SHISA5: variants seen among roughly 807,000 people sequenced by gnomAD.
SHISA5 encodes shisa family member 5, also known as protein shisa-5.
Under a neutral mutation model 27.5 loss-of-function variants are expected in SHISA5, and 21 were observed. That is an observed-to-expected ratio of 0.76 (90% CI 0.54 to 1.10). SHISA5 has a LOEUF of 1.10. Among genes scored for constraint, SHISA5 ranks in the 50% least tolerant of loss-of-function variants. The pLI, the probability that SHISA5 is intolerant of heterozygous loss-of-function variation, is 0.00. For missense variants in SHISA5, 314 were observed against 336.3 expected, an observed-to-expected ratio of 0.93 and a Z score of 0.52; for synonymous variants, 137 against 142.2, an observed-to-expected ratio of 0.96 and a Z score of 0.26.
Position 48,477,163 on chromosome 3 carries a change from T to G in SHISA5, c.314+2014A>C, listed in dbSNP as rs74497330. The stretch of plus-strand genomic sequence containing the variant: ...CACATGGATTCTCCAACTCCTTTTT[T>G]TTGTTGTTGCAACCTCTGCCTCCTG... On this transcript the variant is annotated intron_variant, in intron 3 of 5. Coordinates refer to ENST00000296444, the MANE Select transcript of SHISA5 (RefSeq NM_016479.6). The G allele has an allele frequency of 8.3e-5, 35 of 423,616 alleles. No individual in the cohort carries two copies. The East Asian group carries it at 2.5e-3, about 30-fold the overall frequency. 26.2% of individuals were successfully genotyped at this position (423,616 alleles called of 1,614,324 possible).
chr3:48,497,454 G>T (rs535855509), intron 2 of SHISA5, among the ~76,000 whole-genome samples: 275 of 150,788 alleles, frequency 1.8e-3, no homozygotes, highest in Non-Finnish European at 2.1e-3. Flanking sequence ...GTAGAGATGG[G>T]GTTTCCCCAT....
chr3:48,470,469 G>T lies in SHISA5; in HGVS notation c.315-626C>A, dbSNP rs142849351. 3.9e-5 allele frequency among the ~76,000 whole-genome samples: 6 copies of T among 152,158 alleles called. No homozygotes were observed. Among genetic ancestry groups the T allele is most frequent in the South Asian group, 4.1e-4 (2 of 4,830 alleles). The stretch of plus-strand genomic sequence containing the variant: ...GCAAGCTTGCTGTATGCCAAGCACC[G>T]TGCCAGGGGTCACACACACCCCTGG... On this transcript the variant is annotated intron_variant, in intron 3 of 5. Transcript: ENST00000296444. The surrounding 1 kb of genome is among the most constrained non-coding windows in gnomAD (Gnocchi z 4.3).
chr3:48,497,429 A>T (rs1252451898), intron 2 of SHISA5, among the ~76,000 whole-genome samples: 1 of 150,668 alleles, frequency 6.6e-6, no homozygotes, highest in Non-Finnish European at 1.5e-5. Flanking sequence ...TGCCCAGCTA[A>T]TTTTTGTATT....
intron 2 of SHISA5, among the ~76,000 whole-genome samples, chr3:48,482,478 G>C (rs1249180672): frequency 6.6e-6 from 1 of 152,174 alleles, no homozygotes; most frequent in African/African-American, 2.4e-5. Context: ...CTGTGAAAAG[G>C]CATTTTGGAA....
chr3:48,468,164 T>C lies in SHISA5; in HGVS notation c.*943A>G, dbSNP rs1418665751. The C allele has an allele frequency of 4.0e-6, 4 of 1,000,272 alleles. No individual in the cohort carries two copies. The African/African-American group carries it at 5.2e-5, about 13-fold the overall frequency. 62.0% of individuals were successfully genotyped at this position (1,000,272 alleles called of 1,614,324 possible). A position where few individuals can be genotyped will look rare whatever the true frequency, so the allele number is the denominator to read the frequency against. On this transcript the variant is annotated 3_prime_UTR_variant, in exon 6 of 6. Coordinates refer to ENST00000296444, the MANE Select transcript of SHISA5 (RefSeq NM_016479.6). ...GCAGGGACTCACAGTTGCCAGGTTG[T>C]CCATCTCTGAGCCAATTTCCCTCCA...
chr3:48,468,930 C>T lies in SHISA5; in HGVS notation c.*177G>A, dbSNP rs762255277. On this transcript the variant is annotated 3_prime_UTR_variant, in exon 6 of 6. Coordinates refer to ENST00000296444, the MANE Select transcript of SHISA5 (RefSeq NM_016479.6). ...CCACTCTGGCAAGGATTGTTCCCCA[C>T]CTTGTCAGCATCAGAGGAAGCCACA... 37 of 1,550,804 alleles carry T rather than the reference C, an allele frequency of 2.4e-5. No individual in the cohort carries two copies. In the South Asian group the frequency reaches 4.1e-4, roughly 17 times the overall value.
At chr3:48,483,073 T>C (rs971178509) in intron 2 of SHISA5, among the ~76,000 whole-genome samples, 5 of 151,534 alleles carry the variant, frequency 3.3e-5, no homozygotes, top group Middle Eastern at 3.2e-3. Flanking sequence ...TACAGGCACA[T>C]GCCATCCCAC....
At chr3:48,482,383 C>A (rs1004634796) in intron 2 of SHISA5, among the ~76,000 whole-genome samples, 1 of 151,442 alleles carries the variant, frequency 6.6e-6, no homozygotes, top group African/African-American at 2.4e-5. Context: ...CCAGCCTGGG[C>A]GACAGACTGA....
In SHISA5 at chr3:48,469,638, A is replaced by C. The variant is rs1575300055; in HGVS notation, c.431-65T>G. ...CCAGGTCTTGAGAGCCAGGCTTGCC[A>C]CCCATCCCTCCAGCTTAGCCAAAGC... On this transcript the variant is annotated intron_variant, in intron 4 of 5. Transcript: ENST00000296444. This position sits in a 1 kb window ranked among gnomAD's most constrained non-coding sequence, Gnocchi z 4.6. The C allele has an allele frequency of 2.5e-6, 4 of 1,593,696 alleles. No homozygotes were observed. The highest frequency in any genetic ancestry group is 3.4e-6 in the Non-Finnish European group (4 of 1,168,940).
chr3:48,469,276 G>A lies in SHISA5; in HGVS notation c.643+85C>T. The A allele has an allele frequency of 6.3e-7, 1 of 1,576,320 alleles. No homozygotes were observed. Among genetic ancestry groups the A allele is most frequent in the East Asian group, 2.2e-5 (1 of 44,622 alleles). ...GCAGAAAGGGGCAGAGGCCTGTTGAGTGATGTAGTTTGGGATGGGTGCCCG... is the reference window on the plus strand; with the variant it reads ...GCAGAAAGGGGCAGAGGCCTGTTGAATGATGTAGTTTGGGATGGGTGCCCG... On this transcript the variant is annotated intron_variant, in intron 5 of 5. Transcript: ENST00000296444. The surrounding 1 kb of genome is among the most constrained non-coding windows in gnomAD (Gnocchi z 4.6).
At position 48,498,564 on chromosome 3, in the gene SHISA5, G is replaced by A. The variant is rs1474474070; in HGVS notation, c.233+2573C>T. ...TAGCCAGGCGTGGCAGCATGCACTT[G>A]TGGTCCCAGCTACATGGGAAGCTGA... On this transcript the variant is annotated intron_variant, in intron 2 of 5. Transcript: ENST00000296444. Among the ~76,000 whole-genome samples, 3 of 151,844 alleles carry A rather than the reference G, an allele frequency of 2.0e-5. No homozygotes were observed. In the East Asian group the frequency reaches 5.8e-4, roughly 29 times the overall value.
Position 48,469,077 on chromosome 3 carries a change from C to G in SHISA5, c.*30G>C. ...CACTCACGCACACACACAACATAACCAAGTGGCAGCCAGAGAGGCCAGGGA... is the reference window on the plus strand; with the variant it reads ...CACTCACGCACACACACAACATAACGAAGTGGCAGCCAGAGAGGCCAGGGA... On this transcript the variant is annotated 3_prime_UTR_variant, in exon 6 of 6. Coordinates refer to ENST00000296444, the MANE Select transcript of SHISA5 (RefSeq NM_016479.6). The surrounding 1 kb of genome is among the most constrained non-coding windows in gnomAD (Gnocchi z 4.6). The G allele has an allele frequency of 6.2e-7, 1 of 1,612,218 alleles. No homozygotes were observed. Among genetic ancestry groups the G allele is most frequent in the Non-Finnish European group, 8.5e-7 (1 of 1,179,992 alleles).
rs1560119088 is a variant in SHISA5 at position 48,471,577 on chromosome 3, A to AC, written c.315-1735_315-1734insG. ...CTCAAAAAAAAAAAAAAAAAAAAAA[A>AC]AGTCAGCCTTACATTTTGTACTGGA... On this transcript the variant is annotated intron_variant, in intron 3 of 5. Coordinates refer to ENST00000296444, the MANE Select transcript of SHISA5 (RefSeq NM_016479.6). 2.0e-3 allele frequency among the ~76,000 whole-genome samples: 79 copies of AC among 39,586 alleles called. 12 individuals are homozygous for AC. The highest frequency in any genetic ancestry group is 6.6e-3 in the South Asian group (7 of 1,056). 26.0% of individuals were successfully genotyped at this position (39,586 alleles called of 152,430 possible).
At chr3:48,499,035 A>G (rs1428403146) in intron 2 of SHISA5, among the ~76,000 whole-genome samples, 1 of 150,574 alleles carries the variant, frequency 6.6e-6, no homozygotes, top group Non-Finnish European at 1.5e-5. Context: ...TGAGCCAAGA[A>G]CACACCATTG....
chr3:48,497,352 C>T lies in SHISA5; in HGVS notation c.233+3785G>A, dbSNP rs189136448. ...GATCTTGGCTCACTGCAACCTCCGC[C>T]TCCTGGGTTCAAGCAATTCTCTGCC... is the stretch of plus-strand genomic sequence containing the variant. On this transcript the variant is annotated intron_variant, in intron 2 of 5. Transcript: ENST00000296444. Among the ~76,000 whole-genome samples the T allele has an allele frequency of 6.3e-3, 941 of 148,674 alleles. 13 individuals carry two copies. The highest frequency in any genetic ancestry group is 0.022 in the African/African-American group (891 of 40,136).
chr3:48,497,548 A>C (rs544153165), intron 2 of SHISA5, among the ~76,000 whole-genome samples: 3 of 151,702 alleles, frequency 2.0e-5, no homozygotes, highest in African/African-American at 7.3e-5. Flanking sequence ...GGTGTGAGCC[A>C]CCGCACCCGG....
rs780195602 is a variant in SHISA5, at chr3:48,501,133, C to T, written c.233+4G>A. 6.2e-7 allele frequency: 1 copy of T among 1,609,388 alleles called. No homozygotes were observed. On this transcript the variant is annotated splice_donor_region_variant and intron_variant, in intron 2 of 5. Transcript: ENST00000296444. ...CCCACCCTGTGACCCACTGGTGCAC[C>T]CACCTGGCCTCAGGCACAGCACACC...
At chr3:48,472,908 C>A in intron 3 of SHISA5, 1 of 1,184,476 alleles carries the variant, frequency 8.4e-7, no homozygotes, top group South Asian at 1.3e-5. Flanking sequence ...CACACATTCA[C>A]ACGCCATCAA....
chr3:48,473,175 T>C lies in SHISA5; in HGVS notation c.315-3332A>G. The C allele has an allele frequency of 6.9e-7, 1 of 1,441,808 alleles. No homozygotes were observed. The highest frequency in any genetic ancestry group is 9.1e-7 in the Non-Finnish European group (1 of 1,100,932). 89.3% of individuals were successfully genotyped at this position (1,441,808 alleles called of 1,614,324 possible). On this transcript the variant is annotated intron_variant, in intron 3 of 5. Coordinates refer to ENST00000296444, the MANE Select transcript of SHISA5 (RefSeq NM_016479.6). The surrounding 1 kb of genome is among the most constrained non-coding windows in gnomAD (Gnocchi z 4.3). Reference sequence around the variant, plus strand: ...AGGAAGCACAGACGCGAAGCCCCGTTCCACCCTCTTAAAGACACAGGATGG... The same window carrying C: ...AGGAAGCACAGACGCGAAGCCCCGTCCCACCCTCTTAAAGACACAGGATGG...
Sources: gnomAD v4.1 joint callset for allele counts (sites outside exome capture counted in the v4.1 genomes callset) on GRCh38, gnomAD v4.1.1 for gene constraint, Gnocchi (gnomAD v3.1) non-coding constraint, MANE v1.5 for transcripts, NCBI Gene and HGNC (gene_info 2026-07-23, HGNC 2026-07-21) for gene names.